Variants in DHX30 observed in about 807,000 individuals in gnomAD.
DHX30 encodes the protein ATP-dependent RNA helicase DHX30.
A neutral mutation model predicts 116.9 loss-of-function variants in DHX30; 4 were observed. That is an observed-to-expected ratio of 0.03 (90% CI 0.02 to 0.08). The LOEUF is 0.08. Among genes scored for constraint, DHX30 ranks in the 10% least tolerant of loss-of-function variants. DHX30 has a pLI of 1.00. For missense variants in DHX30, 871 were observed against 1,595.1 expected (o/e 0.55, Z 7.73); for synonymous variants, 697 against 651.7 (o/e 1.07, Z -1.06).
intron 4 of DHX30, chr3:47,824,796 C>G (rs909904627): frequency 9.9e-6 from 4 of 402,590 alleles, no homozygotes; most frequent in Non-Finnish European, 1.7e-5. Context: ...CTTCCATCCA[C>G]ACGACTGCTG....
chr3:47,842,718 A>C (rs1222490530), intron 8 of DHX30: 1 of 166,196 alleles, frequency 6.0e-6, no homozygotes, highest in African/African-American at 2.4e-5. Context: ...TAAGTACAAC[A>C]GTTAAGCAGA....
intron 4 of DHX30, among the ~76,000 whole-genome samples, chr3:47,823,468 A>G (rs2036392302): frequency 6.6e-6 from 1 of 151,636 alleles, no homozygotes; most frequent in South Asian, 2.1e-4. Flanking sequence ...GGTTCAAGCA[A>G]TTCTCCTGCC....
intron 6 of DHX30, among the ~76,000 whole-genome samples, chr3:47,840,369 G>A (rs533961313): frequency 1.3e-5 from 2 of 151,520 alleles, no homozygotes; most frequent in African/African-American, 4.8e-5. Context: ...CTTGGGCTTG[G>A]TGCGGTGGCT....
At chr3:47,811,369 G>A (rs527277899) in intron 3 of DHX30, among the ~76,000 whole-genome samples, 1 of 151,972 alleles carries the variant, frequency 6.6e-6, no homozygotes, top group Non-Finnish European at 1.5e-5. Context: ...ATACCTGTTC[G>A]TTCTCATGGT....
intron 6 of DHX30, among the ~76,000 whole-genome samples, chr3:47,835,003 ATTTTATT>A (rs1056402205): frequency 6.6e-6 from 1 of 151,160 alleles, no homozygotes; most frequent in African/African-American, 2.4e-5. Flanking sequence ...TTTATTTTTT[ATTTTATT>A]TTTTATTTTT....
At position 47,846,242 on chromosome 3, in the gene DHX30, A is replaced by T; in HGVS notation, c.1170A>T (p.Ser390=). 1 of 1,614,184 alleles carries T rather than the reference A, an allele frequency of 6.2e-7. No individual in the cohort carries two copies. The highest frequency in any genetic ancestry group is 8.5e-7 in the Non-Finnish European group (1 of 1,180,020). Residue 390 remains serine (S), a synonymous_variant, in exon 11 of 22, where the codon TCA becomes TCT. Transcript: ENST00000445061. ...ACATCTTGCCCTTGGGCAAGGACTC[A>T]GGGCCTCTGAGTGACCCTATCACAG... is the stretch of plus-strand genomic sequence containing the variant. The part of the protein sequence containing the change: ...SDDILPLGKD[S]GPLSDPITGK...
At chr3:47,810,848 C>G in intron 3 of DHX30, 137 bp downstream of exon 3, 1 of 869,396 alleles carries the variant, frequency 1.2e-6, no homozygotes, top group Non-Finnish European at 1.9e-6. Flanking sequence ...TTTCCTATAG[C>G]CTTCCTTTTG....
intron 4 of DHX30, among the ~76,000 whole-genome samples, chr3:47,825,705 AGGAT>A (rs2036522067): frequency 6.6e-6 from 1 of 152,174 alleles, no homozygotes; most frequent in Admixed American, 6.5e-5. Context: ...GAAAGCATCA[AGGAT>A]GGGTAGAGAG....
rs111839121 is a variant in DHX30 at position 47,845,479 on chromosome 3, G to A, written c.940-221G>A. Reference sequence around the variant, plus strand: ...TGGGATTACAGGCGTGAGCCACCGCGCCCGGCCTGAATTAACTTTAGTTCA... The same window carrying A: ...TGGGATTACAGGCGTGAGCCACCGCACCCGGCCTGAATTAACTTTAGTTCA... On this transcript the variant is annotated intron_variant, in intron 9 of 21. Transcript: ENST00000445061. 2,185 of 442,270 alleles carry A rather than the reference G, an allele frequency of 4.9e-3. 41 individuals are homozygous for A. Among genetic ancestry groups the A allele is most frequent in the African/African-American group, 0.04 (1,984 of 49,626 alleles). The allele number at this position is 442,270 out of a possible 1,614,324, so 27.4% of individuals were successfully genotyped here.
Position 47,843,046 on chromosome 3 carries a change from G to A in DHX30, c.790-60G>A, listed in dbSNP as rs888259854. The stretch of plus-strand genomic sequence containing the variant: ...CTGGGCTCCTTGGCATTCTGAGAAT[G>A]CCCCAAGTCTCTTCCCATTCCCTAC... On this transcript the variant is annotated intron_variant, in intron 8 of 21. Coordinates refer to ENST00000445061, the MANE Select transcript of DHX30 (RefSeq NM_138615.3). 2.1e-5 allele frequency: 33 copies of A among 1,588,800 alleles called. No homozygotes were observed. The African/African-American group carries it at 4.2e-4, about 20-fold the overall frequency.
At chr3:47,817,097 G>A in intron 3 of DHX30, 1 of 394,542 alleles carries the variant, frequency 2.5e-6, no homozygotes, top group Non-Finnish European at 3.4e-6. Context: ...GAACATCTTT[G>A]TAGAACAGGT....
At chr3:47,804,631 G>A (rs2035438835) in intron 1 of DHX30, among the ~76,000 whole-genome samples, 1 of 152,182 alleles carries the variant, frequency 6.6e-6, no homozygotes, top group Non-Finnish European at 1.5e-5. Flanking sequence ...AGCCTTTGAA[G>A]ATAACAGTAT....
chr3:47,837,922 G>T (rs1346098142), intron 6 of DHX30, among the ~76,000 whole-genome samples: 1 of 152,224 alleles, frequency 6.6e-6, no homozygotes, highest in Non-Finnish European at 1.5e-5. Flanking sequence ...AAGAACAGTG[G>T]CTGGTGGATG....
chr3:47,832,075 T>G (rs1278677148), intron 6 of DHX30, among the ~76,000 whole-genome samples: 1 of 151,334 alleles, frequency 6.6e-6, no homozygotes, highest in Non-Finnish European at 1.5e-5. Context: ...CCAGTTAATA[T>G]CTTTTTTTTT....
At chr3:47,816,817 T>C in intron 3 of DHX30, 2 of 985,324 alleles carry the variant, frequency 2.0e-6, no homozygotes, top group Non-Finnish European at 2.4e-6. Flanking sequence ...CATTTTGTTG[T>C]GAAAAATTTC....
Position 47,849,030 on chromosome 3 carries a change from T to G in DHX30, c.2880T>G (p.Asn960Lys). 1 of 1,613,284 alleles carries G rather than the reference T, an allele frequency of 6.2e-7. No individual in the cohort carries two copies. Among genetic ancestry groups the G allele is most frequent in the Non-Finnish European group, 8.5e-7 (1 of 1,179,702 alleles). Residue 960 changes from asparagine (N) to lysine (K), a missense_variant, in exon 18 of 22, where the codon AAT (asparagine) becomes AAG (lysine). Physicochemically the swap from Asn to Lys is moderately conservative, Grantham distance 94 (BLOSUM62 0). Coordinates refer to ENST00000445061, the MANE Select transcript of DHX30 (RefSeq NM_138615.3). The part of the protein sequence containing the change: ...LRWQDRSSRE[N>K]YLEENLLYAP... The stretch of plus-strand genomic sequence containing the variant: ...GGCAGGACCGCAGCTCCCGGGAGAA[T>G]TACCTGGAGGAAAACCTGCTGTACG...
intron 6 of DHX30, 97 bp downstream of exon 6, chr3:47,829,231 C>T: frequency 1.9e-6 from 1 of 532,596 alleles, no homozygotes; most frequent in South Asian, 2.2e-5. Context: ...TTCTACCACT[C>T]ACCTGCCCTG....
intron 6 of DHX30, 143 bp from the exon 7 acceptor site, chr3:47,840,734 G>A: frequency 1.0e-6 from 1 of 963,140 alleles, no homozygotes; most frequent in East Asian, 2.6e-5. Context: ...TCCATGCCCA[G>A]TTCTGGACTA....
intron 1 of DHX30, among the ~76,000 whole-genome samples, chr3:47,805,119 C>CT (rs2106919655): frequency 6.6e-6 from 1 of 152,318 alleles, no homozygotes; most frequent in South Asian, 2.1e-4. Flanking sequence ...TTCAGCACTT[C>CT]TACAGGTGCT....
Sources: allele counts gnomAD v4.1 joint callset (sites outside exome capture counted in the v4.1 genomes callset), GRCh38; gene constraint gnomAD v4.1.1; transcripts MANE v1.5; gene names NCBI Gene and HGNC (gene_info 2026-07-23, HGNC 2026-07-21).